Variants in DDX19B observed in about 807,000 individuals in gnomAD.
The protein encoded by DDX19B is DEAD-box helicase 19B.
Under a neutral mutation model 58.1 loss-of-function variants are expected in DDX19B, and 27 were observed. The observed-to-expected ratio is 0.46, with a 90% CI of 0.34 to 0.64. DDX19B has a LOEUF of 0.64. Among genes scored for constraint, DDX19B ranks in the 30% least tolerant of loss-of-function variants. DDX19B has a pLI of 0.01. For synonymous variants in DDX19B, 187 were observed against 214.4 expected (o/e 0.87, Z 1.12); for missense variants, 399 against 596.5 (o/e 0.67, Z 3.45).
At chr16:70,324,761 C>CA in intron 6 of DDX19B, 74 bp downstream of exon 6, 1 of 1,441,988 alleles carries the variant, frequency 6.9e-7, no homozygotes. Flanking sequence ...GATTAAAAGA[C>CA]AAGCTATGGG....
chr16:70,320,615 T>G (rs1962723413), intron 5 of DDX19B, among the ~76,000 whole-genome samples: 1 of 151,794 alleles, frequency 6.6e-6, no homozygotes, highest in Admixed American at 6.6e-5. Context: ...TGGCGTGATC[T>G]TGGCTCACTG....
chr16:70,294,782 G>A (rs531506719), upstream of DDX19B: 19 of 1,318,896 alleles, frequency 1.4e-5, no homozygotes, highest in African/African-American at 2.7e-4. Flanking sequence ...CAGCCAATGA[G>A]GCTCCGGCTT....
Position 70,314,886 on chromosome 16 carries a change from C to T in DDX19B, c.107-16C>T. ...GGGATGCGATTTTGAATGATGGCCA[C>T]TTTGTGTCTATAAAGGTGCTGTTGT... On this transcript the variant is annotated splice_polypyrimidine_tract_variant and intron_variant, in intron 2 of 11. Transcript: ENST00000288071. The T allele has an allele frequency of 1.2e-6, 2 of 1,607,836 alleles. No homozygotes were observed. Among genetic ancestry groups the T allele is most frequent in the Non-Finnish European group, 1.7e-6 (2 of 1,175,956 alleles).
chr16:70,322,567 C>A (rs1442138601), intron 5 of DDX19B, among the ~76,000 whole-genome samples: 1 of 129,170 alleles, frequency 7.7e-6, no homozygotes, highest in Admixed American at 9.3e-5. Context: ...CCAGTCTGGG[C>A]GACAAAGTGA....
intron 1 of DDX19B, among the ~76,000 whole-genome samples, chr16:70,303,580 G>A (rs1339212325): frequency 3.9e-5 from 6 of 151,990 alleles, no homozygotes; most frequent in African/African-American, 1.5e-4. Context: ...TTTTTGAGAC[G>A]GAGGCTTGCT....
At chr16:70,314,702 A>C (rs1397538131) in intron 2 of DDX19B, 200 bp from the exon 3 acceptor site, 3 of 433,322 alleles carry the variant, frequency 6.9e-6, no homozygotes, top group South Asian at 1.8e-5. Flanking sequence ...CTATCTATAT[A>C]TATATATATG....
intron 8 of DDX19B, 47 bp from the exon 9 acceptor site, chr16:70,329,784 G>A (rs768958195): frequency 1.9e-5 from 30 of 1,610,958 alleles, no homozygotes; most frequent in African/African-American, 4.0e-5. Context: ...TGCTTCTGTC[G>A]CTTCCCGGGG....
In DDX19B at chr16:70,301,507, G is replaced by A. The variant is rs552254383; in HGVS notation, c.57+2153G>A. 2.0e-5 allele frequency among the ~76,000 whole-genome samples: 3 copies of A among 152,216 alleles called. No individual in the cohort carries two copies. The South Asian group carries it at 6.2e-4, about 32-fold the overall frequency. On this transcript the variant is annotated intron_variant, in intron 1 of 11. Transcript: ENST00000288071. ...ATATTCAGAAAATTTATGGTAATATGTCTTGGTATGGGTGTATTTTCATCC... is the reference window on the plus strand; with the variant it reads ...ATATTCAGAAAATTTATGGTAATATATCTTGGTATGGGTGTATTTTCATCC...
At chr16:70,290,334 G>A (rs1287075824), upstream of DDX19B, among the ~76,000 whole-genome samples, 3 of 151,992 alleles carry the variant, frequency 2.0e-5, no homozygotes, top group Non-Finnish European at 1.5e-5. Context: ...TCAGGAGACC[G>A]AGAGCATCCT....
chr16:70,306,399 C>T (rs1961756918), intron 1 of DDX19B, among the ~76,000 whole-genome samples: 1 of 152,104 alleles, frequency 6.6e-6, no homozygotes, highest in African/African-American at 2.4e-5. Context: ...CTATCACCTG[C>T]CTTGGCCTTC....
At chr16:70,292,046 G>C (rs1026861861), upstream of DDX19B, among the ~76,000 whole-genome samples, 2 of 152,070 alleles carry the variant, frequency 1.3e-5, no homozygotes, top group African/African-American at 4.8e-5. Context: ...AGCTGCTCAA[G>C]AGGCTGAGGA....
intron 1 of DDX19B, among the ~76,000 whole-genome samples, chr16:70,309,962 C>T (rs1212188872): frequency 2.6e-5 from 4 of 151,952 alleles, no homozygotes; most frequent in Admixed American, 6.6e-5. Context: ...AACAGAAATG[C>T]GGCCTAATGC....
At position 70,299,309 on chromosome 16, in the gene DDX19B, C is replaced by T. The variant is rs1961354926; in HGVS notation, c.12C>T (p.Asp4=). MAT[D]SWALAVDEQE... The stretch of plus-strand genomic sequence containing the variant: ...CCGCGCCTGGGACCATGGCCACTGA[C>T]TCATGGGCCCTGGCGGTGGACGAGC... The change falls in exon 1 of 12, where the codon GAC becomes GAT. Residue 4 remains aspartate, a synonymous_variant. Coordinates refer to ENST00000288071, the MANE Select transcript of DDX19B (RefSeq NM_007242.7). 1 of 1,605,250 alleles carries T rather than the reference C, an allele frequency of 6.2e-7. No individual in the cohort carries two copies. The highest frequency in any genetic ancestry group is 1.7e-5 in the Admixed American group (1 of 58,576).
intron 5 of DDX19B, 155 bp downstream of exon 5, chr16:70,317,743 G>A (rs1962511224): frequency 2.0e-6 from 1 of 495,628 alleles, no homozygotes; most frequent in Non-Finnish European, 3.5e-6. Context: ...TTCAAGACCA[G>A]CCTGGGCGAT....
At chr16:70,294,790 C>T (rs1961159153), upstream of DDX19B, 3 of 1,374,966 alleles carry the variant, frequency 2.2e-6, no homozygotes, top group Admixed American at 2.9e-5. Context: ...GAGGCTCCGG[C>T]TTGGCCAGTG....
upstream of DDX19B, among the ~76,000 whole-genome samples, chr16:70,291,022 C>T (rs947916498): frequency 6.6e-6 from 1 of 152,160 alleles, no homozygotes; most frequent in Non-Finnish European, 1.5e-5. Flanking sequence ...GCAAAAAGAG[C>T]ATCCTACACA....
chr16:70,331,668 C>T, intron 9 of DDX19B, 54 bp from the exon 10 acceptor site: 1 of 1,579,308 alleles, frequency 6.3e-7, no homozygotes, highest in Non-Finnish European at 8.6e-7. Context: ...TAGCAGTTGT[C>T]TTCCTTTTGT....
chr16:70,329,813 C>A lies in DDX19B; in HGVS notation c.786-18C>A. The A allele has an allele frequency of 6.2e-7, 1 of 1,614,056 alleles. No individual in the cohort carries two copies. The highest frequency in any genetic ancestry group is 1.1e-5 in the South Asian group (1 of 91,084). On this transcript the variant is annotated intron_variant, in intron 8 of 11. Transcript: ENST00000288071. ...CCCGGGGCCACCTGGGGCCACCTAC[C>A]AGGGCCTTCCCTTGCAGGATGCTGC...
intron 3 of DDX19B, among the ~76,000 whole-genome samples, chr16:70,315,196 G>C (rs1022762965): frequency 2.8e-5 from 4 of 142,482 alleles, no homozygotes; most frequent in Non-Finnish European, 6.1e-5. Context: ...CTAACACGGT[G>C]AAAACCCGTC....
Sources: gnomAD v4.1 joint callset for allele counts (sites outside exome capture counted in the v4.1 genomes callset) on GRCh38, gnomAD v4.1.1 for gene constraint, MANE v1.5 for transcripts, NCBI Gene and HGNC (gene_info 2026-07-23, HGNC 2026-07-21) for gene names.